Variants in KMT2C observed in about 807,000 individuals in gnomAD.
The protein encoded by KMT2C is histone-lysine N-methyltransferase 2C.
A neutral mutation model predicts 507.9 loss-of-function variants in KMT2C; 88 were observed. The ratio of observed to expected loss-of-function variants is 0.17; its 90% CI spans 0.15 to 0.21. KMT2C has a LOEUF of 0.21. Among genes scored for constraint, KMT2C ranks in the 10% least tolerant of loss-of-function variants. KMT2C has a pLI of 1.00. For synonymous variants in KMT2C, 2,049 were observed against 2,080.8 expected (o/e 0.98, Z 0.42); for missense variants, 4,954 against 5,957.8 (o/e 0.83, Z 5.55).
chr7:152,243,603 G>A lies in KMT2C; in HGVS notation c.2532+4299C>T, dbSNP rs375037176. 7.2e-4 allele frequency among the ~76,000 whole-genome samples: 109 copies of A among 152,160 alleles called. 1 individual carries two copies. Among genetic ancestry groups the A allele is most frequent in the African/African-American group, 2.2e-3 (93 of 41,500 alleles). ...TCGAGACCAGCCTAACCAATATGGC[G>A]AAACACCGTCTCTACTAAAAATATT... On this transcript the variant is annotated intron_variant, in intron 14 of 58. Coordinates refer to ENST00000262189, the MANE Select transcript of KMT2C (RefSeq NM_170606.3).
intron 7 of KMT2C, among the ~76,000 whole-genome samples, chr7:152,270,207 A>G (rs1005715305): frequency 6.6e-6 from 1 of 152,222 alleles, no homozygotes; most frequent in Non-Finnish European, 1.5e-5. Flanking sequence ...CAAAGAGGCT[A>G]GACCGTATCA....
At chr7:152,342,029 G>A (rs981659664) in intron 2 of KMT2C, among the ~76,000 whole-genome samples, 17 of 152,302 alleles carry the variant, frequency 1.1e-4, no homozygotes, top group East Asian at 5.8e-4. Flanking sequence ...AAAGTAACAC[G>A]TGTATGGCTT....
chr7:152,379,498 A>C (rs1159169813), intron 1 of KMT2C, among the ~76,000 whole-genome samples: 1 of 151,894 alleles, frequency 6.6e-6, no homozygotes, highest in Non-Finnish European at 1.5e-5. Context: ...AGATCATGCC[A>C]CTGCACTCCA....
intron 16 of KMT2C, among the ~76,000 whole-genome samples, chr7:152,233,269 T>C (rs2095177296): frequency 6.6e-6 from 1 of 152,148 alleles, no homozygotes; most frequent in Non-Finnish European, 1.5e-5. Flanking sequence ...AAAACCTACC[T>C]TGAGGGCAAA....
chr7:152,356,973 C>T (rs1467478286), intron 2 of KMT2C, among the ~76,000 whole-genome samples: 2 of 151,424 alleles, frequency 1.3e-5, no homozygotes, highest in African/African-American at 2.4e-5. Flanking sequence ...GTGGCTCACA[C>T]CTGTAATCCC....
At chr7:152,295,476 C>A (rs1563759815) in intron 6 of KMT2C, among the ~76,000 whole-genome samples, 2 of 152,160 alleles carry the variant, frequency 1.3e-5, no homozygotes. Context: ...GACCCTCTGT[C>A]TAGAATCCCT....
At chr7:152,346,894 A>C (rs2097063440) in intron 2 of KMT2C, among the ~76,000 whole-genome samples, 1 of 152,148 alleles carries the variant, frequency 6.6e-6, no homozygotes, top group African/African-American at 2.4e-5. Flanking sequence ...TGGGAGGCCG[A>C]GGCGGGCGGA....
intron 2 of KMT2C, among the ~76,000 whole-genome samples, chr7:152,356,442 G>A (rs2097152135): frequency 6.6e-6 from 1 of 151,942 alleles, no homozygotes; most frequent in Non-Finnish European, 1.5e-5. Flanking sequence ...CGGGCGTGGT[G>A]GCGGGTGGCT....
At chr7:152,373,373 A>G (rs1010190513) in intron 1 of KMT2C, among the ~76,000 whole-genome samples, 7 of 152,220 alleles carry the variant, frequency 4.6e-5, no homozygotes, top group Non-Finnish European at 1.0e-4. Context: ...TTGTTGAAAG[A>G]GTAGATGGTT....
chr7:152,171,141 A>G (rs954886044), intron 40 of KMT2C, 123 bp downstream of exon 40: 1 of 524,126 alleles, frequency 1.9e-6, no homozygotes, highest in African/African-American at 2.0e-5. Flanking sequence ...ATATGGTGAA[A>G]TCCGCATTTA....
At chr7:152,430,884 A>G (rs1285521532) in intron 1 of KMT2C, among the ~76,000 whole-genome samples, 1 of 152,182 alleles carries the variant, frequency 6.6e-6, no homozygotes, top group African/African-American at 2.4e-5. Flanking sequence ...TGGAAGGTCA[A>G]TGAAGTTTCA....
At chr7:152,160,621 ATATATTTATATATT>A (rs1252045049) in intron 43 of KMT2C, among the ~76,000 whole-genome samples, 2 of 147,420 alleles carry the variant, frequency 1.4e-5, no homozygotes, top group East Asian at 1.9e-4. Flanking sequence ...AATTATATAT[ATATATTTATATATT>A]TATATTTATA....
At chr7:152,356,224 T>G (rs2097149948) in intron 2 of KMT2C, among the ~76,000 whole-genome samples, 1 of 152,088 alleles carries the variant, frequency 6.6e-6, no homozygotes, top group African/African-American at 2.4e-5. Flanking sequence ...GAATCAAAAA[T>G]GAGAAGGGGT....
intron 2 of KMT2C, among the ~76,000 whole-genome samples, chr7:152,343,306 G>C (rs2097016672): frequency 6.6e-6 from 1 of 152,256 alleles, no homozygotes; most frequent in Admixed American, 6.5e-5. Context: ...TAAAATGATA[G>C]AGATTTTTTT....
intron 31 of KMT2C, among the ~76,000 whole-genome samples, 169 bp downstream of exon 31, chr7:152,193,840 C>T (rs865885416): frequency 6.6e-6 from 1 of 152,090 alleles, no homozygotes; most frequent in African/African-American, 2.4e-5. Context: ...TCAGGGAGAC[C>T]GCTATGTGAA....
chr7:152,180,222 T>A, intron 36 of KMT2C, 96 bp from the exon 37 acceptor site: 1 of 1,344,772 alleles, frequency 7.4e-7, no homozygotes, highest in Non-Finnish European at 1.0e-6. Flanking sequence ...GATCTTGCTA[T>A]GTTGCCCAGG....
intron 1 of KMT2C, among the ~76,000 whole-genome samples, chr7:152,385,528 C>T (rs1340796552): frequency 8.8e-6 from 1 of 113,622 alleles, no homozygotes; most frequent in Non-Finnish European, 1.6e-5. Context: ...AGGAGAATGG[C>T]GTGAACCCGG....
At chr7:152,203,097 C>T (rs745807667) in intron 25 of KMT2C, 33 bp from the exon 26 acceptor site, 3 of 1,546,868 alleles carry the variant, frequency 1.9e-6, no homozygotes, top group South Asian at 2.5e-5. Context: ...AAATATGTGA[C>T]ATTTAAAATT....
chr7:152,418,476 G>A (rs1474770982), intron 1 of KMT2C, among the ~76,000 whole-genome samples: 1 of 152,046 alleles, frequency 6.6e-6, no homozygotes, highest in Non-Finnish European at 1.5e-5. Context: ...TGTCGCCCAG[G>A]CTGGAGTGCA....
Sources: allele counts gnomAD v4.1 joint callset (sites outside exome capture counted in the v4.1 genomes callset), GRCh38; gene constraint gnomAD v4.1.1; transcripts MANE v1.5; gene names NCBI Gene and HGNC (gene_info 2026-07-23, HGNC 2026-07-21).